Variants in WDR37 observed in about 807,000 individuals in gnomAD.
WDR37 encodes WD repeat domain 37.
A neutral mutation model predicts 62.9 loss-of-function variants in WDR37; 19 were observed. The observed-to-expected ratio is 0.30, with a 90% CI of 0.21 to 0.44. WDR37 has a LOEUF of 0.44. Ranked by LOEUF, WDR37 falls within the 20% of genes least tolerant of loss-of-function variation. WDR37 has a pLI of 1.00. For synonymous variants in WDR37, 250 were observed against 260.9 expected (o/e 0.96, Z 0.40); for missense variants, 474 against 657.6 (o/e 0.72, Z 3.05).
chr10:1,072,092 A>G (rs1295285192), intron 1 of WDR37, 24 bp from the exon 2 acceptor site: 1 of 1,576,636 alleles, frequency 6.3e-7, no homozygotes, highest in African/African-American at 1.4e-5. Context: ...TATCAGAAAC[A>G]CTGTTTTTTC....
intron 12 of WDR37, 89 bp from the exon 13 acceptor site, chr10:1,124,821 T>C (rs1835691379): frequency 6.6e-7 from 1 of 1,512,334 alleles, no homozygotes; most frequent in Non-Finnish European, 9.0e-7. Flanking sequence ...ATGTGAATAA[T>C]ATGGAACCTC....
chr10:1,109,584 G>A (rs1283353070), intron 11 of WDR37, among the ~76,000 whole-genome samples: 3 of 152,182 alleles, frequency 2.0e-5, no homozygotes, highest in Admixed American at 2.0e-4. Flanking sequence ...GGTGGCGCAC[G>A]CCTGTAATCC....
intron 8 of WDR37, 35 bp from the exon 9 acceptor site, chr10:1,096,135 T>A (rs534050596): frequency 1.2e-6 from 2 of 1,610,040 alleles, no homozygotes; most frequent in East Asian, 4.5e-5. Flanking sequence ...CCATGGTCTG[T>A]GCCTTGGGTA....
Position 1,105,705 on chromosome 10 carries a change from CACATAGACGCGCAAACACAG to C in WDR37, c.1103+447_1103+466del, listed in dbSNP as rs890161530. On this transcript the variant is annotated intron_variant, in intron 11 of 13. Coordinates refer to ENST00000263150, the MANE Select transcript of WDR37 (RefSeq NM_014023.4). This position sits in a 1 kb window ranked among gnomAD's most constrained non-coding sequence, Gnocchi z 5.3. Reference sequence around the variant, plus strand: ...GTGGTATATTCTGGGAGAAGGTATACACATAGACGCGCAAACACAGACATAGACCCTCAATCCAGTGTGTC... The same window carrying C: ...GTGGTATATTCTGGGAGAAGGTATACACATAGACCCTCAATCCAGTGTGTC... Among the ~76,000 whole-genome samples, 2 of 152,136 alleles carry C rather than the reference CACATAGACGCGCAAACACAG, an allele frequency of 1.3e-5. No homozygotes were observed. Among genetic ancestry groups the C allele is most frequent in the Non-Finnish European group, 2.9e-5 (2 of 68,030 alleles).
At position 1,130,873 on chromosome 10, in the gene WDR37, GC is replaced by G. The variant is rs149181350; in HGVS notation, c.*1530del. The G allele has an allele frequency of 0.12, 17,531 of 152,036 alleles. 1,475 individuals are homozygous for G. The highest frequency in any genetic ancestry group is 0.24 in the African/African-American group (9,944 of 41,382). The allele number at this position is 152,036 out of a possible 1,614,324, so 9.4% of individuals were successfully genotyped here. A position where few individuals can be genotyped will look rare whatever the true frequency, so the allele number is the denominator to read the frequency against. On this transcript the variant is annotated 3_prime_UTR_variant, in exon 14 of 14. Transcript: ENST00000263150. ...GGGTCTTCAGGAGCTGGTCCAAGGA[GC>G]TTCGAATCTAAGTCATCTAGAATGA...
intron 13 of WDR37, among the ~76,000 whole-genome samples, chr10:1,126,204 G>C (rs1201427187): frequency 1.3e-5 from 2 of 152,126 alleles, no homozygotes; most frequent in African/African-American, 2.4e-5. Context: ...AGGAGATCGA[G>C]ACCATCCTGA....
In WDR37 at chr10:1,121,401, A is replaced by C. The variant is rs1167953939; in HGVS notation, c.1104-2817A>C. ...CAGCAGCCGAAGTCCTCTAAGCCTC[A>C]TTGTAACCTTCTCACTGAAGCGTGG... On this transcript the variant is annotated intron_variant, in intron 11 of 13. Transcript: ENST00000263150. The surrounding 1 kb of genome is among the most constrained non-coding windows in gnomAD (Gnocchi z 4.5). Among the ~76,000 whole-genome samples the C allele has an allele frequency of 2.0e-5, 3 of 152,248 alleles. No individual in the cohort carries two copies. Among genetic ancestry groups the C allele is most frequent in the South Asian group, 2.1e-4 (1 of 4,826 alleles).
At position 1,056,571 on chromosome 10, in the gene WDR37, A is replaced by G. The variant is rs1020157679; in HGVS notation, c.-438A>G. On this transcript the variant is annotated 5_prime_UTR_variant, in exon 1 of 14. It removes the in-frame stop codon of an upstream open reading frame in the 5' UTR. Transcript: ENST00000263150. ...GACTCGGAGCGCCCCGCCGGTGAGTAGCTACGACCCCCGAGGCCACCTCCC... is the reference window on the plus strand; with the variant it reads ...GACTCGGAGCGCCCCGCCGGTGAGTGGCTACGACCCCCGAGGCCACCTCCC... 1.2e-4 allele frequency: 19 copies of G among 152,124 alleles called. No individual in the cohort carries two copies. The highest frequency in any genetic ancestry group is 4.6e-4 in the African/African-American group (19 of 41,420). The allele number at this position is 152,124 out of a possible 1,614,324, so 9.4% of individuals were successfully genotyped here.
intron 3 of WDR37, among the ~76,000 whole-genome samples, 192 bp from the exon 4 acceptor site, chr10:1,079,819 C>T (rs1209308382): frequency 6.6e-6 from 1 of 152,100 alleles, no homozygotes; most frequent in Non-Finnish European, 1.5e-5. Context: ...GCCACCTCAC[C>T]CAGCCTCGAA....
At chr10:1,106,362 C>T (rs1042409350) in intron 11 of WDR37, among the ~76,000 whole-genome samples, 3 of 152,170 alleles carry the variant, frequency 2.0e-5, no homozygotes, top group Non-Finnish European at 4.4e-5. Context: ...CTGCTCTCCA[C>T]CCCGACGTCT....
Position 1,096,241 on chromosome 10 carries a change from A to G in WDR37, c.721A>G (p.Thr241Ala), listed in dbSNP as rs753718136. 17 of 1,614,028 alleles carry G rather than the reference A, an allele frequency of 1.1e-5. 1 individual carries two copies. The Middle Eastern group carries it at 4.9e-4, about 47-fold the overall frequency. ...QLPTPQPVAD[T>A]SISGEDEVEC... ...GCCGACACCCCAGCCTGTTGCTGAC[A>G]CTAGTGTAAGCACCTTTCCTTACCT... The change falls in exon 9 of 14, where the codon ACT (threonine) becomes GCT (alanine). Residue 241 changes from threonine to alanine, a missense_variant. Transcript: ENST00000263150.
At chr10:1,081,590 T>G (rs1834030627) in intron 5 of WDR37, among the ~76,000 whole-genome samples, 5 of 152,234 alleles carry the variant, frequency 3.3e-5, no homozygotes, top group Admixed American at 3.3e-4. Context: ...AAATTGTTGG[T>G]ATTTTCTACT....
At chr10:1,127,836 G>A (rs1037134166) in intron 13 of WDR37, among the ~76,000 whole-genome samples, 3 of 152,178 alleles carry the variant, frequency 2.0e-5, no homozygotes, top group Non-Finnish European at 4.4e-5. Context: ...TCTTCCGGGT[G>A]CATCTGCTTC....
chr10:1,105,024 A>G lies in WDR37; in HGVS notation c.962-102A>G, dbSNP rs1232016721. The G allele has an allele frequency of 1.1e-5, 15 of 1,417,100 alleles. No homozygotes were observed. The highest frequency in any genetic ancestry group is 4.8e-5 in the East Asian group (2 of 41,834). The allele number at this position is 1,417,100 out of a possible 1,614,324, so 87.8% of individuals were successfully genotyped here. A position where few individuals can be genotyped will look rare whatever the true frequency, so the allele number is the denominator to read the frequency against. On this transcript the variant is annotated intron_variant, in intron 10 of 13. Transcript: ENST00000263150. This position sits in a 1 kb window ranked among gnomAD's most constrained non-coding sequence, Gnocchi z 5.3. ...AGTGATTCCATTAGGTCAGGTTCAC[A>G]GTCTCAGAGAGACGGCTTCTTGGGT...
rs545075156 is a variant in WDR37 at position 1,126,383 on chromosome 10, G to T, written c.1353+1359G>T. Among the ~76,000 whole-genome samples, 3 of 147,780 alleles carry T rather than the reference G, an allele frequency of 2.0e-5. No individual in the cohort carries two copies. The South Asian group carries it at 6.5e-4, about 32-fold the overall frequency. ...ATCGCGCCACTGCACTCCAGCCTGG[G>T]CGACAGAGCGAGACTGTGTCTCAGA... On this transcript the variant is annotated intron_variant, in intron 13 of 13. Transcript: ENST00000263150.
intron 11 of WDR37, among the ~76,000 whole-genome samples, chr10:1,106,906 T>C (rs990679265): frequency 2.0e-5 from 3 of 152,230 alleles, no homozygotes; most frequent in African/African-American, 7.2e-5. Context: ...GTCACGACCA[T>C]GCGTAGAGAT....
chr10:1,105,381 A>G lies in WDR37; in HGVS notation c.1103+114A>G. The G allele has an allele frequency of 2.3e-6, 3 of 1,289,268 alleles. No homozygotes were observed. Among genetic ancestry groups the G allele is most frequent in the Admixed American group, 2.7e-5 (1 of 37,718 alleles). The allele number at this position is 1,289,268 out of a possible 1,614,324, so 79.9% of individuals were successfully genotyped here. A position where few individuals can be genotyped will look rare whatever the true frequency, so the allele number is the denominator to read the frequency against. On this transcript the variant is annotated intron_variant, in intron 11 of 13. Transcript: ENST00000263150. This position sits in a 1 kb window ranked among gnomAD's most constrained non-coding sequence, Gnocchi z 5.3. ...GTATTTCCGACTCTACTATCTTTCA[A>G]AAAAATAACTACCTTTCAAATTCTG...
chr10:1,124,428 A>T (rs1247500079), intron 12 of WDR37, 76 bp downstream of exon 12: 1 of 1,589,010 alleles, frequency 6.3e-7, no homozygotes, highest in South Asian at 1.1e-5. Context: ...TGTTTTATTC[A>T]TGGAGGTTTA....
At position 1,070,352 on chromosome 10, in the gene WDR37, G is replaced by A. The variant is rs1055211367; in HGVS notation, c.-40-1764G>A. Among the ~76,000 whole-genome samples, 16 of 151,970 alleles carry A rather than the reference G, an allele frequency of 1.1e-4. 1 individual carries two copies. Among genetic ancestry groups the A allele is most frequent in the South Asian group, 4.2e-4 (2 of 4,816 alleles). ...TGTCTTCCAGTTTTCTAACATTTTTGGGTTATGCTTGGCTTTTAAAAAAGT... is the reference window on the plus strand; with the variant it reads ...TGTCTTCCAGTTTTCTAACATTTTTAGGTTATGCTTGGCTTTTAAAAAAGT... On this transcript the variant is annotated intron_variant, in intron 1 of 13. Coordinates refer to ENST00000263150, the MANE Select transcript of WDR37 (RefSeq NM_014023.4).
Sources: gnomAD v4.1 joint callset for allele counts (sites outside exome capture counted in the v4.1 genomes callset) on GRCh38, gnomAD v4.1.1 for gene constraint, Gnocchi (gnomAD v3.1) non-coding constraint, MANE v1.5 for transcripts, NCBI Gene and HGNC (gene_info 2026-07-23, HGNC 2026-07-21) for gene names.